Variants in DLG2 observed in about 807,000 individuals in gnomAD.
The protein encoded by DLG2 is discs large MAGUK scaffold protein 2.
In DLG2, 45 loss-of-function variants were observed where a neutral mutation model predicts 132.5. The observed-to-expected ratio is 0.34, with a 90% CI of 0.27 to 0.44. The LOEUF is 0.44. DLG2 is among the 20% of genes least tolerant of loss of function. The probability of loss-of-function intolerance (pLI) is 1.00; values close to 1 mark genes in which losing one functional copy is unlikely to be tolerated. For missense variants in DLG2, 1,045 were observed against 1,196.9 expected, an observed-to-expected ratio of 0.87 and a Z score of 1.87; for synonymous variants, 424 against 419.6, an observed-to-expected ratio of 1.01 and a Z score of -0.13.
chr11:84,374,385 C>G (rs2098720816), intron 7 of DLG2, among the ~76,000 whole-genome samples: 1 of 152,224 alleles, frequency 6.6e-6, no homozygotes, highest in African/African-American at 2.4e-5. Context: ...GCTTGTTCAA[C>G]TCGCAGCCCA....
chr11:83,928,025 G>C (rs1420723352), intron 15 of DLG2, among the ~76,000 whole-genome samples: 1 of 151,952 alleles, frequency 6.6e-6, no homozygotes, highest in African/African-American at 2.4e-5. Context: ...TAAGATTTTT[G>C]GTGTCAATGC....
chr11:85,362,256 C>G (rs1404537944), intron 3 of DLG2, among the ~76,000 whole-genome samples: 1 of 152,140 alleles, frequency 6.6e-6, no homozygotes, highest in Non-Finnish European at 1.5e-5. Flanking sequence ...TGCCCAGCCT[C>G]CTGTGATTTG....
intron 8 of DLG2, among the ~76,000 whole-genome samples, chr11:84,214,450 C>T (rs887722945): frequency 2.0e-5 from 3 of 151,100 alleles, no homozygotes; most frequent in African/African-American, 7.3e-5. Flanking sequence ...TATGTATAAA[C>T]ATATATGTCT....
intron 12 of DLG2, among the ~76,000 whole-genome samples, chr11:83,968,737 G>A (rs1158480638): frequency 6.6e-6 from 1 of 152,138 alleles, no homozygotes; most frequent in African/African-American, 2.4e-5. Flanking sequence ...AGTGTCAGAG[G>A]CAGAATTCAA....
chr11:83,878,911 G>C (rs1316592882), intron 15 of DLG2, among the ~76,000 whole-genome samples: 4 of 152,160 alleles, frequency 2.6e-5, no homozygotes, highest in Admixed American at 6.5e-5. Context: ...AAGATTCAAA[G>C]AGAGGTATAA....
chr11:83,465,316 CA>C (rs1413841716), intron 26 of DLG2, among the ~76,000 whole-genome samples: 3 of 152,206 alleles, frequency 2.0e-5, no homozygotes, highest in African/African-American at 7.2e-5. Flanking sequence ...GCTGCCACTC[CA>C]GCTGCTGCAG....
chr11:85,126,095 G>A (rs1444982445), intron 5 of DLG2, among the ~76,000 whole-genome samples: 5 of 152,116 alleles, frequency 3.3e-5, no homozygotes, highest in Admixed American at 6.6e-5. Context: ...GGAAGTCGCC[G>A]AAACCAAAAC....
intron 6 of DLG2, among the ~76,000 whole-genome samples, chr11:84,957,721 T>C (rs2051909398): frequency 6.6e-6 from 1 of 152,238 alleles, no homozygotes; most frequent in Admixed American, 6.5e-5. Context: ...AAAATTGGCG[T>C]TCTCTACCTC....
chr11:84,453,257 A>G (rs2099056549), intron 7 of DLG2, among the ~76,000 whole-genome samples: 1 of 151,698 alleles, frequency 6.6e-6, no homozygotes, highest in Non-Finnish European at 1.5e-5. Flanking sequence ...AAAAAGCTTA[A>G]AGATCAAGTC....
At chr11:84,176,872 CTCTTTTCT>C (rs2095984763) in intron 8 of DLG2, among the ~76,000 whole-genome samples, 1 of 150,892 alleles carries the variant, frequency 6.6e-6, no homozygotes, top group Non-Finnish European at 1.5e-5. Flanking sequence ...CTTGCTCTCT[CTCTTTTCT>C]TTTCTTTTCT....
chr11:83,595,454 C>T (rs2057410718), intron 19 of DLG2, among the ~76,000 whole-genome samples: 1 of 152,164 alleles, frequency 6.6e-6, no homozygotes, highest in South Asian at 2.1e-4. Flanking sequence ...CATTAAGAAT[C>T]CATCTAAGGA....
chr11:83,952,710 T>C (rs1591718187), intron 14 of DLG2, among the ~76,000 whole-genome samples: 1 of 149,526 alleles, frequency 6.7e-6, no homozygotes, highest in East Asian at 2.0e-4. Flanking sequence ...AACTCTCTCA[T>C]TGCACATAGT....
chr11:84,953,931 A>T (rs2051288261), intron 6 of DLG2, among the ~76,000 whole-genome samples: 1 of 152,106 alleles, frequency 6.6e-6, no homozygotes, highest in Non-Finnish European at 1.5e-5. Flanking sequence ...TCTGGGCCTT[A>T]GTATGCTAAG....
At chr11:84,742,364 G>A (rs560397072) in intron 6 of DLG2, among the ~76,000 whole-genome samples, 1 of 152,110 alleles carries the variant, frequency 6.6e-6, no homozygotes, top group South Asian at 2.1e-4. Context: ...ATTGTCAAAA[G>A]TTTAAAGACA....
intron 7 of DLG2, among the ~76,000 whole-genome samples, chr11:84,382,126 A>G (rs915257759): frequency 2.0e-5 from 3 of 152,184 alleles, no homozygotes; most frequent in Non-Finnish European, 4.4e-5. Flanking sequence ...AAGGAAATAA[A>G]CAAGCTCCCA....
chr11:84,968,993 T>C (rs934233125), intron 6 of DLG2, among the ~76,000 whole-genome samples: 1 of 151,222 alleles, frequency 6.6e-6, no homozygotes, highest in Non-Finnish European at 1.5e-5. Flanking sequence ...GCAGTATATA[T>C]ACAATAATTG....
intron 16 of DLG2, among the ~76,000 whole-genome samples, chr11:83,871,026 C>A (rs2063344287): frequency 6.6e-6 from 1 of 152,194 alleles, no homozygotes; most frequent in Non-Finnish European, 1.5e-5. Flanking sequence ...CGATCAATAC[C>A]CTTCAATCAG....
At chr11:84,214,226 T>TATATATACATATATATATGA in intron 8 of DLG2, among the ~76,000 whole-genome samples, 1 of 143,968 alleles carries the variant, frequency 6.9e-6, no homozygotes, top group Admixed American at 6.9e-5. Context: ...TGAATACATA[T>TATATATACATATATATATGA]ATACATATAT....
intron 6 of DLG2, among the ~76,000 whole-genome samples, chr11:84,967,666 C>A (rs1439841465): frequency 6.6e-6 from 1 of 151,960 alleles, no homozygotes; most frequent in Admixed American, 6.6e-5. Context: ...CATGATATAC[C>A]TGCAGATAAT....
Sources: gnomAD v4.1 joint callset for allele counts (sites outside exome capture counted in the v4.1 genomes callset) on GRCh38, gnomAD v4.1.1 for gene constraint, MANE v1.5 for transcripts, NCBI Gene and HGNC (gene_info 2026-07-23, HGNC 2026-07-21) for gene names.